Variants in MACROD2 observed in about 807,000 individuals in gnomAD.
MACROD2 encodes ADP-ribose glycohydrolase MACROD2.
MACROD2 carries 36 observed loss-of-function variants against 70.4 expected under a neutral mutation model. The ratio of observed to expected loss-of-function variants is 0.51; its 90% confidence interval spans 0.39 to 0.68. The LOEUF is 0.68. Ranked by LOEUF, MACROD2 falls within the 30% of genes least tolerant of loss-of-function variation. The probability of loss-of-function intolerance (pLI) is 0.00; values close to 1 mark genes in which losing one functional copy is unlikely to be tolerated. For missense variants in MACROD2, 496 were observed against 538.4 expected (o/e 0.92, Z 0.78); for synonymous variants, 172 against 178.8 (o/e 0.96, Z 0.30).
intron 5 of MACROD2, among the ~76,000 whole-genome samples, chr20:14,853,175 G>C (rs888617689): frequency 6.3e-5 from 6 of 94,806 alleles, no homozygotes; most frequent in East Asian, 3.6e-4. Context: ...GTGTGTGTCT[G>C]TGTGTGTGTG....
intron 15 of MACROD2, among the ~76,000 whole-genome samples, chr20:16,009,512 T>A (rs2066833073): frequency 6.6e-6 from 1 of 152,194 alleles, no homozygotes; most frequent in Non-Finnish European, 1.5e-5. Flanking sequence ...ATCCCAGCAC[T>A]TCGGGAGGCC....
chr20:15,889,173 A>T (rs2064858210), intron 10 of MACROD2, among the ~76,000 whole-genome samples: 1 of 152,164 alleles, frequency 6.6e-6, no homozygotes, highest in African/African-American at 2.4e-5. Flanking sequence ...GTATAAACAC[A>T]AATACCATGG....
chr20:15,487,748 G>A (rs889463972), intron 7 of MACROD2, among the ~76,000 whole-genome samples: 1 of 152,152 alleles, frequency 6.6e-6, no homozygotes, highest in Admixed American at 6.5e-5. Flanking sequence ...GCTGAACACT[G>A]AGAAGTTTTA....
intron 5 of MACROD2, among the ~76,000 whole-genome samples, chr20:14,716,901 G>T (rs1323338153): frequency 2.0e-5 from 3 of 152,136 alleles, no homozygotes; most frequent in African/African-American, 7.2e-5. Flanking sequence ...TTTGTTTTTA[G>T]AGATGCAGGT....
Position 15,069,758 on chromosome 20 carries a change from A to G in MACROD2, c.419-160182A>G, listed in dbSNP as rs1446098022. ...GAAGGAGGCTTGGTAGCTTCCACCT[A>G]CATTTCAGAGACTGTATGGGAAAGC... is the stretch of plus-strand genomic sequence containing the variant. On this transcript the variant is annotated intron_variant, in intron 5 of 17. Transcript: ENST00000684519. 2.6e-5 allele frequency among the ~76,000 whole-genome samples: 4 copies of G among 152,212 alleles called. No individual in the cohort carries two copies. In the East Asian group the frequency reaches 7.7e-4, roughly 29 times the overall value.
rs182703237 is a variant in MACROD2, at chr20:15,958,813, C to T, written c.908-8740C>T. Among the ~76,000 whole-genome samples the T allele has an allele frequency of 1.3e-4, 20 of 152,246 alleles. No homozygotes were observed. In the East Asian group the frequency reaches 3.3e-3, roughly 25 times the overall value. ...TTGGTCCCCACGATAGAATTAGTGT[C>T]CTTATAAAAAGCAGGCACACACACT... On this transcript the variant is annotated intron_variant, in intron 12 of 17. Transcript: ENST00000684519.
At chr20:15,474,333 A>G (rs773441336) in intron 7 of MACROD2, among the ~76,000 whole-genome samples, 22 of 152,128 alleles carry the variant, frequency 1.4e-4, no homozygotes, top group Admixed American at 5.2e-4. Context: ...ATCCCTTAGG[A>G]TGAAATTTCA....
At chr20:15,869,082 A>G (rs1425250743) in intron 9 of MACROD2, among the ~76,000 whole-genome samples, 3 of 151,746 alleles carry the variant, frequency 2.0e-5, no homozygotes, top group Non-Finnish European at 2.9e-5. Flanking sequence ...GTAAACCACT[A>G]TGCCCAGCTC....
chr20:15,555,415 A>G (rs369862717), intron 8 of MACROD2, among the ~76,000 whole-genome samples: 25 of 152,152 alleles, frequency 1.6e-4, no homozygotes, highest in East Asian at 1.2e-3. Context: ...ACAGTTTAAT[A>G]CACTTTTAAA....
At chr20:14,463,714 A>G (rs2084401647) in intron 3 of MACROD2, among the ~76,000 whole-genome samples, 1 of 152,058 alleles carries the variant, frequency 6.6e-6, no homozygotes, top group African/African-American at 2.4e-5. Flanking sequence ...TCCCATCAAT[A>G]CCTAATTTAT....
chr20:13,995,852 TAG>T lies in MACROD2; in HGVS notation c.46+44_46+45del. ...TCCTGGGGGTGCGGGCGGTGGGGGT[TAG>T]GGTGGGGGCGGGGGTCAGGCTGTGT... On this transcript the variant is annotated intron_variant, in intron 1 of 17. Coordinates refer to ENST00000684519, the MANE Select transcript of MACROD2 (RefSeq NM_001351661.2). The surrounding 1 kb of genome is among the most constrained non-coding windows in gnomAD (Gnocchi z 4.3). 1 of 782,422 alleles carries T rather than the reference TAG, an allele frequency of 1.3e-6. No individual in the cohort carries two copies. Among genetic ancestry groups the T allele is most frequent in the Non-Finnish European group, 2.0e-6 (1 of 496,726 alleles). 48.5% of individuals were successfully genotyped at this position (782,422 alleles called of 1,614,324 possible).
chr20:15,150,465 A>G (rs1299435784), intron 5 of MACROD2, among the ~76,000 whole-genome samples: 1 of 152,046 alleles, frequency 6.6e-6, no homozygotes, highest in African/African-American at 2.4e-5. Context: ...TTGGACAGGT[A>G]AAATGGGGGA....
At chr20:15,909,685 G>T (rs991556830) in intron 10 of MACROD2, among the ~76,000 whole-genome samples, 1 of 151,666 alleles carries the variant, frequency 6.6e-6, no homozygotes, top group South Asian at 2.1e-4. Flanking sequence ...CACTGCGCCC[G>T]GCTAATTTTT....
intron 8 of MACROD2, among the ~76,000 whole-genome samples, chr20:15,757,601 T>G (rs1017794683): frequency 6.6e-6 from 1 of 152,204 alleles, no homozygotes; most frequent in African/African-American, 2.4e-5. Context: ...TAAGCTACTA[T>G]AATAAAATAC....
chr20:14,972,857 C>T (rs2074704047), intron 5 of MACROD2, among the ~76,000 whole-genome samples: 1 of 152,166 alleles, frequency 6.6e-6, no homozygotes. Context: ...CAATGGTTGT[C>T]ATTCATCTGT....
chr20:14,058,713 G>A (rs557422805), intron 2 of MACROD2, among the ~76,000 whole-genome samples: 16 of 147,318 alleles, frequency 1.1e-4, no homozygotes, highest in East Asian at 2.0e-4. Flanking sequence ...GCGTGATCTC[G>A]GCTCACTGCA....
intron 5 of MACROD2, among the ~76,000 whole-genome samples, chr20:15,059,065 C>T (rs1404413476): frequency 1.3e-5 from 2 of 152,202 alleles, no homozygotes; most frequent in African/African-American, 4.8e-5. Context: ...TAATTCATCA[C>T]TGCTATATCT....
chr20:15,360,463 C>T (rs371653518), intron 6 of MACROD2, among the ~76,000 whole-genome samples: 2 of 152,148 alleles, frequency 1.3e-5, no homozygotes, highest in Admixed American at 6.5e-5. Context: ...AAATAAGTCA[C>T]TAAATGAGAA....
intron 8 of MACROD2, among the ~76,000 whole-genome samples, chr20:15,574,560 A>G (rs2048418885): frequency 1.3e-5 from 2 of 152,198 alleles, no homozygotes; most frequent in Non-Finnish European, 2.9e-5. Context: ...GGAATGTTTT[A>G]GAAGATTTTT....
Sources: gnomAD v4.1 joint callset for allele counts (sites outside exome capture counted in the v4.1 genomes callset) on GRCh38, gnomAD v4.1.1 for gene constraint, Gnocchi (gnomAD v3.1) non-coding constraint, MANE v1.5 for transcripts, NCBI Gene and HGNC (gene_info 2026-07-23, HGNC 2026-07-21) for gene names.